Variants in CTNND2 observed in about 807,000 individuals in gnomAD.
CTNND2 encodes catenin delta 2, also known as catenin delta-2.
Under a neutral mutation model 144.4 loss-of-function variants are expected in CTNND2, and 22 were observed. The ratio of observed to expected loss-of-function variants is 0.15; its 90% CI spans 0.11 to 0.22. The LOEUF is 0.22. Ranked by LOEUF, CTNND2 falls within the 10% of genes least tolerant of loss-of-function variation. The pLI is 1.00. For missense variants in CTNND2, 1,353 were observed against 1,618.8 expected (o/e 0.84, Z 2.82); for synonymous variants, 751 against 695.6 (o/e 1.08, Z -1.25).
At chr5:11,063,670 G>A (rs2149599565) in intron 16 of CTNND2, among the ~76,000 whole-genome samples, 1 of 152,046 alleles carries the variant, frequency 6.6e-6, no homozygotes, top group South Asian at 2.1e-4. Flanking sequence ...GATGATGTTG[G>A]GTACTAAACC....
intron 2 of CTNND2, among the ~76,000 whole-genome samples, chr5:11,662,468 A>G (rs1446827812): frequency 6.6e-6 from 1 of 151,890 alleles, no homozygotes; most frequent in Non-Finnish European, 1.5e-5. Flanking sequence ...GAAAGATGTA[A>G]GCTGGGAGGC....
chr5:11,129,295 A>C (rs1354449119), intron 12 of CTNND2, among the ~76,000 whole-genome samples: 1 of 43,676 alleles, frequency 2.3e-5, no homozygotes, highest in Non-Finnish European at 4.3e-5. Flanking sequence ...AAAATATATA[A>C]TATATATTAT....
chr5:11,840,227 G>C (rs922120494), intron 1 of CTNND2, among the ~76,000 whole-genome samples: 4 of 152,206 alleles, frequency 2.6e-5, no homozygotes, highest in Admixed American at 2.0e-4. Context: ...AATCCATGAT[G>C]CCTGTCTTTC....
chr5:11,079,468 C>T (rs1482548081), intron 16 of CTNND2, among the ~76,000 whole-genome samples: 1 of 152,166 alleles, frequency 6.6e-6, no homozygotes, highest in East Asian at 1.9e-4. Flanking sequence ...TGAGAGGTTT[C>T]AGTAGATTCA....
chr5:11,711,261 G>A (rs569029180), intron 2 of CTNND2, among the ~76,000 whole-genome samples: 5 of 152,020 alleles, frequency 3.3e-5, no homozygotes, highest in Admixed American at 1.3e-4. Flanking sequence ...TCACCATGTC[G>A]GCCGGGCTGG....
At position 11,065,715 on chromosome 5, in the gene CTNND2, A is replaced by G. The variant is rs115182044; in HGVS notation, c.2788+16981T>C. On this transcript the variant is annotated intron_variant, in intron 16 of 21. Transcript: ENST00000304623. Reference sequence around the variant, plus strand: ...TCATCAGATGGGTTTATTTAATCCTATATATCGTGATTTACTTTCCAATTT... The same window carrying G: ...TCATCAGATGGGTTTATTTAATCCTGTATATCGTGATTTACTTTCCAATTT... Among the ~76,000 whole-genome samples the G allele has an allele frequency of 9.7e-3, 1,477 of 152,274 alleles. 26 individuals carry two copies. Among genetic ancestry groups the G allele is most frequent in the African/African-American group, 0.03 (1,235 of 41,534 alleles).
At chr5:11,534,309 C>G (rs867188933) in intron 3 of CTNND2, among the ~76,000 whole-genome samples, 2 of 152,120 alleles carry the variant, frequency 1.3e-5, no homozygotes, top group African/African-American at 4.8e-5. Flanking sequence ...CCCATAAGAG[C>G]AGGGGACAGA....
At chr5:11,186,793 T>C (rs6892850) in intron 11 of CTNND2, among the ~76,000 whole-genome samples, 15,051 of 152,222 alleles carry the variant, frequency 0.099, 1,393 homozygotes, top group African/African-American at 0.24. Flanking sequence ...GAAACTCTTA[T>C]GATTGGAGAA....
chr5:11,766,924 T>C (rs564066768), intron 1 of CTNND2, among the ~76,000 whole-genome samples: 8 of 152,272 alleles, frequency 5.3e-5, no homozygotes, highest in East Asian at 1.9e-4. Context: ...AGGAAACTGA[T>C]TGATCTCTGT....
At chr5:11,298,486 A>G (rs887772527) in intron 9 of CTNND2, among the ~76,000 whole-genome samples, 1 of 152,196 alleles carries the variant, frequency 6.6e-6, no homozygotes, top group Non-Finnish European at 1.5e-5. Context: ...TTGTTTTATA[A>G]CAATGCTAAA....
intron 20 of CTNND2, among the ~76,000 whole-genome samples, chr5:10,983,377 T>C (rs150478381): frequency 2.3e-4 from 35 of 152,284 alleles, no homozygotes; most frequent in African/African-American, 8.2e-4. Flanking sequence ...GGCTCATTGT[T>C]TGCTTCCAGT....
At chr5:11,867,768 T>C (rs1365522661) in intron 1 of CTNND2, among the ~76,000 whole-genome samples, 1 of 152,038 alleles carries the variant, frequency 6.6e-6, no homozygotes, top group Non-Finnish European at 1.5e-5. Context: ...GCCAAGAACT[T>C]TGGCAGATCA....
chr5:11,644,482 G>A (rs1448868510), intron 2 of CTNND2, among the ~76,000 whole-genome samples: 1 of 152,022 alleles, frequency 6.6e-6, no homozygotes, highest in Non-Finnish European at 1.5e-5. Flanking sequence ...AGACCATCCT[G>A]GTTAACACAG....
chr5:11,159,799 A>G (rs1758587607), intron 11 of CTNND2, 40 bp from the exon 12 acceptor site: 1 of 1,475,072 alleles, frequency 6.8e-7, no homozygotes, highest in Non-Finnish European at 9.1e-7. Context: ...GGTGGCCACA[A>G]GTTTTTCTCA....
intron 16 of CTNND2, among the ~76,000 whole-genome samples, chr5:11,051,507 A>G (rs1396826348): frequency 1.3e-5 from 2 of 152,234 alleles, no homozygotes; most frequent in South Asian, 2.1e-4. Flanking sequence ...GATTGTATCT[A>G]CATCTCTTAG....
At chr5:10,975,584 C>T (rs992274991) in intron 21 of CTNND2, among the ~76,000 whole-genome samples, 2 of 152,196 alleles carry the variant, frequency 1.3e-5, no homozygotes, top group East Asian at 1.9e-4. Context: ...GGAACTGGAA[C>T]ATACGGCTGG....
intron 2 of CTNND2, among the ~76,000 whole-genome samples, chr5:11,598,082 T>C (rs1325310277): frequency 6.6e-6 from 1 of 152,316 alleles, no homozygotes; most frequent in African/African-American, 2.4e-5. Context: ...ATTGTTTCTG[T>C]GTACATCCAA....
intron 3 of CTNND2, among the ~76,000 whole-genome samples, chr5:11,485,383 G>A (rs1303697080): frequency 6.6e-5 from 9 of 136,848 alleles, no homozygotes; most frequent in Non-Finnish European, 9.5e-5. Context: ...GTGCGCGCGC[G>A]CGCGTGCGCG....
chr5:11,611,996 T>A (rs1780355446), intron 2 of CTNND2, among the ~76,000 whole-genome samples: 1 of 152,174 alleles, frequency 6.6e-6, no homozygotes. Context: ...AAGAAATATT[T>A]GACATTAAAA....
Sources: allele counts gnomAD v4.1 joint callset (sites outside exome capture counted in the v4.1 genomes callset), GRCh38; gene constraint gnomAD v4.1.1; transcripts MANE v1.5; gene names NCBI Gene and HGNC (gene_info 2026-07-23, HGNC 2026-07-21).